The following ST7L variants were observed in gnomAD, a reference collection of about 807,000 sequenced individuals.
The protein encoded by ST7L is suppressor of tumorigenicity 7 protein-like.
A neutral mutation model predicts 72.5 loss-of-function variants in ST7L; 57 were observed. The observed-to-expected ratio is 0.79, with a 90% CI of 0.64 to 0.98. The LOEUF (loss-of-function observed/expected upper bound fraction) is 0.98, where lower values mean the gene tolerates loss of function less well. Among genes scored for constraint, ST7L ranks in the 50% least tolerant of loss-of-function variants. ST7L has a pLI of 0.00. For missense variants in ST7L, 576 were observed against 672.2 expected (o/e 0.86, Z 1.58); for synonymous variants, 221 against 240.9 (o/e 0.92, Z 0.77).
At chr1:112,551,338 C>G (rs605882) in intron 12 of ST7L, among the ~76,000 whole-genome samples, 1 of 151,492 alleles carries the variant, frequency 6.6e-6, no homozygotes. Flanking sequence ...TTAGTAGAGG[C>G]GGGGTTTCAC....
chr1:112,551,385 T>C (rs1658155366), intron 12 of ST7L, among the ~76,000 whole-genome samples: 1 of 152,070 alleles, frequency 6.6e-6, no homozygotes, highest in African/African-American at 2.4e-5. Flanking sequence ...CCTGACCTTG[T>C]GATCCACCCA....
At chr1:112,587,876 T>C (rs1665099030) in intron 6 of ST7L, among the ~76,000 whole-genome samples, 1 of 152,216 alleles carries the variant, frequency 6.6e-6, no homozygotes, top group African/African-American at 2.4e-5. Flanking sequence ...TTTATAGGGA[T>C]TGCACTGAAT....
chr1:112,551,065 T>G (rs551929848), intron 12 of ST7L, among the ~76,000 whole-genome samples: 2 of 151,954 alleles, frequency 1.3e-5, no homozygotes, highest in South Asian at 4.2e-4. Flanking sequence ...CCATTACTAT[T>G]GGCAACCTAA....
intron 3 of ST7L, among the ~76,000 whole-genome samples, chr1:112,608,850 G>A (rs1668651100): frequency 6.6e-6 from 1 of 152,124 alleles, no homozygotes; most frequent in South Asian, 2.1e-4. Context: ...CTTCCTCAGG[G>A]ACTTTGACCA....
intron 11 of ST7L, among the ~76,000 whole-genome samples, chr1:112,556,588 GC>G (rs1171125414): frequency 6.6e-6 from 1 of 152,084 alleles, no homozygotes; most frequent in Admixed American, 6.6e-5. Flanking sequence ...AGAACGCTTT[GC>G]CTGTTCTGTG....
chr1:112,618,138 G>C (rs1374629013), intron 1 of ST7L: 1 of 1,283,172 alleles, frequency 7.8e-7, no homozygotes, highest in African/African-American at 1.5e-5. Flanking sequence ...CAGATCTTGA[G>C]TGAAATATAA....
At chr1:112,540,323 G>A in intron 14 of ST7L, 15 of 985,412 alleles carry the variant, frequency 1.5e-5, no homozygotes, top group East Asian at 1.1e-4. Context: ...TTAAATGGAT[G>A]GAATTCTCTT....
intron 4 of ST7L, among the ~76,000 whole-genome samples, chr1:112,599,074 ATATATATATATATATATATATAT>A (rs1221239305): frequency 0.012 from 491 of 40,278 alleles, 52 homozygotes; most frequent in African/African-American, 0.035. Context: ...AAAAAAAAAA[ATATATATATATATATATATATAT>A]ATATATATAT....
chr1:112,618,757 T>G, intron 1 of ST7L, 152 bp downstream of exon 1: 1 of 1,421,192 alleles, frequency 7.0e-7, no homozygotes, highest in Non-Finnish European at 9.3e-7. Context: ...AACTGCAAGG[T>G]TGCAGCCCAA....
chr1:112,543,623 C>T (rs1432997750), intron 13 of ST7L, among the ~76,000 whole-genome samples: 1 of 151,974 alleles, frequency 6.6e-6, no homozygotes, highest in Admixed American at 6.6e-5. Flanking sequence ...AATCCCAGCA[C>T]TTTGGGAGGC....
chr1:112,553,399 G>A (rs1658570241), intron 12 of ST7L, among the ~76,000 whole-genome samples: 1 of 152,052 alleles, frequency 6.6e-6, no homozygotes. Context: ...TATTTACATT[G>A]TCATTGTCAA....
chr1:112,519,834 A>G (rs1217875474), downstream of ST7L, among the ~76,000 whole-genome samples: 2 of 147,992 alleles, frequency 1.4e-5, no homozygotes, highest in Non-Finnish European at 3.0e-5. Context: ...TAGAACTGGG[A>G]TTTGAATCCA....
At chr1:112,591,368 GT>G in intron 6 of ST7L, 156 bp downstream of exon 6, 1 of 597,090 alleles carries the variant, frequency 1.7e-6, no homozygotes, top group Non-Finnish European at 2.9e-6. Context: ...AAATACAGAT[GT>G]TGGCAAACAC....
chr1:112,599,777 A>G (rs1470400384), intron 4 of ST7L, among the ~76,000 whole-genome samples: 2 of 152,350 alleles, frequency 1.3e-5, no homozygotes, highest in East Asian at 3.9e-4. Context: ...CCAGGGGCCT[A>G]ATACATACTT....
chr1:112,530,372 G>A (rs1654174561), intron 14 of ST7L, among the ~76,000 whole-genome samples: 1 of 152,060 alleles, frequency 6.6e-6, no homozygotes, highest in Non-Finnish European at 1.5e-5. Flanking sequence ...CATATTTACT[G>A]ATTACATGCC....
chr1:112,606,956 T>G (rs553291741), intron 3 of ST7L: 2 of 152,298 alleles, frequency 1.3e-5, no homozygotes, highest in African/African-American at 2.4e-5. Context: ...TTTCAACATG[T>G]GAATTTTGGG....
chr1:112,594,269 G>A (rs1249330420), intron 5 of ST7L, among the ~76,000 whole-genome samples: 1 of 150,234 alleles, frequency 6.7e-6, no homozygotes, highest in African/African-American at 2.5e-5. Flanking sequence ...AAGATGTACT[G>A]CCCTATAGTG....
intron 14 of ST7L, chr1:112,529,578 C>T (rs1416648552): frequency 6.6e-6 from 1 of 151,998 alleles, no homozygotes; most frequent in Non-Finnish European, 1.5e-5. Context: ...TTCATCTGTT[C>T]TCCCAGAGAA....
intron 3 of ST7L, among the ~76,000 whole-genome samples, chr1:112,601,439 G>A (rs950337302): frequency 6.6e-6 from 1 of 151,968 alleles, no homozygotes; most frequent in African/African-American, 2.4e-5. Flanking sequence ...TAGAGACAGG[G>A]TTTCACCATG....
Sources: gnomAD v4.1 joint callset for allele counts (sites outside exome capture counted in the v4.1 genomes callset) on GRCh38, gnomAD v4.1.1 for gene constraint, MANE v1.5 for transcripts, NCBI Gene and HGNC (gene_info 2026-07-23, HGNC 2026-07-21) for gene names.